Variants in KRABD5 observed in about 807,000 individuals in gnomAD.
KRABD5 encodes the protein KRAB domain containing 5, also known as KRAB domain-containing protein 5.
the KRABD5 span, among the ~76,000 whole-genome samples, chr16:31,747,856 A>G: frequency 3.3e-5 from 5 of 151,930 alleles, no homozygotes; most frequent in African/African-American, 1.2e-4. Flanking sequence ...TTTCTTGTAA[A>G]CTTGTTTGAG....
At chr16:31,728,985 G>C in the KRABD5 span, among the ~76,000 whole-genome samples, 1 of 152,014 alleles carries the variant, frequency 6.6e-6, no homozygotes, top group Non-Finnish European at 1.5e-5. Context: ...CTATTTAATT[G>C]CTCTATCCTC....
At chr16:31,726,915 A>G in the KRABD5 span, among the ~76,000 whole-genome samples, 2 of 152,306 alleles carry the variant, frequency 1.3e-5, no homozygotes, top group African/African-American at 4.8e-5. Context: ...GTCCATGAAC[A>G]AGGGATATCT....
chr16:31,713,609 C>G, the KRABD5 span: 1 of 939,928 alleles, frequency 1.1e-6, no homozygotes. Flanking sequence ...GGACCCCGCG[C>G]GTCCGGTCCC....
At chr16:31,740,182 G>A in the KRABD5 span, among the ~76,000 whole-genome samples, 1 of 152,032 alleles carries the variant, frequency 6.6e-6, no homozygotes, top group African/African-American at 2.4e-5. Context: ...TTCCTCTAGC[G>A]CTGCTGGGTT....
chr16:31,723,167 T>C, the KRABD5 span: 1 of 1,356,472 alleles, frequency 7.4e-7, no homozygotes, highest in South Asian at 1.3e-5. Flanking sequence ...TCTAGGATCC[T>C]CTATAATGTT....
At chr16:31,713,472 GA>G in the KRABD5 span, 5 of 1,595,186 alleles carry the variant, frequency 3.1e-6, no homozygotes, top group Non-Finnish European at 4.3e-6. Flanking sequence ...AGAAGAGGGA[GA>G]GGGGCGGTCG....
the KRABD5 span, among the ~76,000 whole-genome samples, chr16:31,736,689 T>C: frequency 1.5e-3 from 221 of 152,006 alleles, 3 homozygotes; most frequent in East Asian, 0.04. Flanking sequence ...AGCTAATTTT[T>C]ATATTTTTTT....
chr16:31,714,858 A>C, the KRABD5 span, among the ~76,000 whole-genome samples: 5 of 152,182 alleles, frequency 3.3e-5, no homozygotes, highest in Non-Finnish European at 7.3e-5. Flanking sequence ...TGGAATTGTT[A>C]GTGTCCTGGG....
At chr16:31,713,470 G>T in the KRABD5 span, 3 of 1,595,542 alleles carry the variant, frequency 1.9e-6, no homozygotes, top group Non-Finnish European at 2.6e-6. Flanking sequence ...CCAGAAGAGG[G>T]AGAGGGGCGG....
chr16:31,742,167 A>C, the KRABD5 span, among the ~76,000 whole-genome samples: 1 of 141,256 alleles, frequency 7.1e-6, no homozygotes, highest in Non-Finnish European at 1.5e-5. Flanking sequence ...TTTTTAAAAA[A>C]AATTTTTTGT....
At chr16:31,754,948 T>C in the KRABD5 span, 11 of 446,462 alleles carry the variant, frequency 2.5e-5, no homozygotes, top group African/African-American at 2.0e-4. Context: ...GAATTCACAC[T>C]GGAGAAAAAC....
chr16:31,738,601 A>G, the KRABD5 span, among the ~76,000 whole-genome samples: 4 of 152,142 alleles, frequency 2.6e-5, no homozygotes, highest in Non-Finnish European at 4.4e-5. Flanking sequence ...CCTAGAAAGC[A>G]TGGAGTTAGA....
the KRABD5 span, chr16:31,755,646 A>C: frequency 2.1e-6 from 1 of 482,814 alleles, no homozygotes; most frequent in Non-Finnish European, 4.2e-6. Flanking sequence ...AAATGTAAAG[A>C]ATGTGGCAAA....
the KRABD5 span, among the ~76,000 whole-genome samples, chr16:31,737,662 T>C: frequency 9.2e-5 from 14 of 152,306 alleles, no homozygotes; most frequent in African/African-American, 3.4e-4. Context: ...CCAATCTGTT[T>C]CATCTTTTAT....
chr16:31,715,634 G>A, the KRABD5 span, among the ~76,000 whole-genome samples: 1 of 152,182 alleles, frequency 6.6e-6, no homozygotes, highest in African/African-American at 2.4e-5. Context: ...AAGTATAGAT[G>A]GCCCCTGGGG....
At chr16:31,730,643 C>CT in the KRABD5 span, among the ~76,000 whole-genome samples, 5 of 151,724 alleles carry the variant, frequency 3.3e-5, no homozygotes, top group Non-Finnish European at 7.4e-5. Flanking sequence ...AATCTTTTTT[C>CT]TTCTTTCTTT....
At chr16:31,750,792 T>C in the KRABD5 span, among the ~76,000 whole-genome samples, 1 of 152,240 alleles carries the variant, frequency 6.6e-6, no homozygotes, top group Non-Finnish European at 1.5e-5. Context: ...GTGATTTTTT[T>C]TGGAGCTGGA....
chr16:31,713,556 C>A, the KRABD5 span: 2 of 1,383,414 alleles, frequency 1.4e-6, no homozygotes, highest in East Asian at 5.6e-5. Flanking sequence ...CAACTCGGCC[C>A]TTGGTCCCCT....
the KRABD5 span, among the ~76,000 whole-genome samples, chr16:31,716,897 T>C: frequency 1.3e-5 from 2 of 152,212 alleles, no homozygotes; most frequent in Non-Finnish European, 2.9e-5. Context: ...TCATTTACTT[T>C]AGAGAATTTT....
Sources: allele counts gnomAD v4.1 joint callset (sites outside exome capture counted in the v4.1 genomes callset), GRCh38; gene constraint gnomAD v4.1.1; transcripts MANE v1.5; gene names NCBI Gene and HGNC (gene_info 2026-07-23, HGNC 2026-07-21).